The following MAGI2 variants were observed in gnomAD, a reference collection of about 807,000 sequenced individuals.
MAGI2 encodes membrane-associated guanylate kinase, WW and PDZ domain-containing protein 2.
A neutral mutation model predicts 133.3 loss-of-function variants in MAGI2; 35 were observed. The ratio of observed to expected loss-of-function variants is 0.26; its 90% CI spans 0.20 to 0.35. MAGI2 has a LOEUF of 0.35. Ranked by LOEUF, MAGI2 falls within the 10% of genes least tolerant of loss-of-function variation. MAGI2 has a pLI of 1.00. For synonymous variants in MAGI2, 729 were observed against 710.6 expected (o/e 1.03, Z -0.41); for missense variants, 1,636 against 1,863.4 (o/e 0.88, Z 2.25).
intron 6 of MAGI2, among the ~76,000 whole-genome samples, chr7:78,473,013 A>T (rs76436247): frequency 0.052 from 7,900 of 152,176 alleles, 265 homozygotes; most frequent in East Asian, 0.089. Flanking sequence ...GGAAATTATT[A>T]TACCTCTCAG....
chr7:78,363,520 A>AATAATAATAATGATAATAATG (rs1315627060), intron 7 of MAGI2, among the ~76,000 whole-genome samples: 1 of 150,146 alleles, frequency 6.7e-6, no homozygotes, highest in African/African-American at 2.4e-5. Flanking sequence ...TGATAATAAT[A>AATAATAATAATGATAATAATG]ATAATAATAA....
At chr7:79,294,051 C>T (rs1041418883) in intron 1 of MAGI2, among the ~76,000 whole-genome samples, 3 of 151,662 alleles carry the variant, frequency 2.0e-5, no homozygotes, top group Non-Finnish European at 2.9e-5. Flanking sequence ...GGTGTGCTGG[C>T]GTGAGTCTGT....
At chr7:79,070,001 T>C (rs1486644112) in intron 1 of MAGI2, among the ~76,000 whole-genome samples, 3 of 152,208 alleles carry the variant, frequency 2.0e-5, no homozygotes, top group African/African-American at 7.2e-5. Context: ...CTTCTATTTG[T>C]GGGTAACCCA....
chr7:78,890,683 A>G (rs1476365094), intron 2 of MAGI2, among the ~76,000 whole-genome samples: 2 of 152,198 alleles, frequency 1.3e-5, no homozygotes, highest in African/African-American at 2.4e-5. Context: ...AACCAATGAG[A>G]ACAAAGACAC....
At chr7:79,258,802 G>A (rs571009172) in intron 1 of MAGI2, among the ~76,000 whole-genome samples, 1 of 152,162 alleles carries the variant, frequency 6.6e-6, no homozygotes, top group Non-Finnish European at 1.5e-5. Context: ...GCAAAAAAAA[G>A]GAATTACTCT....
At chr7:79,085,120 C>G (rs1395737191) in intron 1 of MAGI2, among the ~76,000 whole-genome samples, 1 of 151,634 alleles carries the variant, frequency 6.6e-6, no homozygotes, top group East Asian at 1.9e-4. Flanking sequence ...CATTGCTATG[C>G]TTGATGATTT....
At chr7:78,362,544 C>T (rs1792935431) in intron 7 of MAGI2, among the ~76,000 whole-genome samples, 1 of 152,114 alleles carries the variant, frequency 6.6e-6, no homozygotes, top group African/African-American at 2.4e-5. Context: ...ACTCATGTCT[C>T]GTGAGGCCTG....
At chr7:78,854,372 T>C (rs528468976) in intron 2 of MAGI2, among the ~76,000 whole-genome samples, 1 of 152,258 alleles carries the variant, frequency 6.6e-6, no homozygotes, top group East Asian at 1.9e-4. Context: ...CCTTGTTTTA[T>C]AATTTGTTAT....
At chr7:78,282,357 CTG>C (rs889145194) in intron 9 of MAGI2, among the ~76,000 whole-genome samples, 31 of 152,080 alleles carry the variant, frequency 2.0e-4, no homozygotes, top group Non-Finnish European at 1.5e-4. Flanking sequence ...AGTCAGCAAA[CTG>C]TGACAAGTAG....
At chr7:79,250,783 G>T (rs567486787) in intron 1 of MAGI2, among the ~76,000 whole-genome samples, 1 of 152,104 alleles carries the variant, frequency 6.6e-6, no homozygotes, top group Non-Finnish European at 1.5e-5. Context: ...ACCTAGAATA[G>T]TCAAAGCTAT....
intron 1 of MAGI2, among the ~76,000 whole-genome samples, chr7:79,276,008 ATGT>A (rs1160357959): frequency 1.2e-4 from 18 of 152,168 alleles, no homozygotes; most frequent in Non-Finnish European, 2.4e-4. Context: ...AAGGAGATTA[ATGT>A]TGTTTTCATG....
chr7:79,395,480 T>C (rs1231889551), intron 1 of MAGI2, among the ~76,000 whole-genome samples: 1 of 152,068 alleles, frequency 6.6e-6, no homozygotes, highest in Non-Finnish European at 1.5e-5. Context: ...AGAAGCAAAT[T>C]CTTATAACTG....
intron 2 of MAGI2, among the ~76,000 whole-genome samples, chr7:79,004,933 T>A (rs1331858897): frequency 6.6e-6 from 1 of 151,814 alleles, no homozygotes; most frequent in African/African-American, 2.4e-5. Flanking sequence ...AAATACAAAA[T>A]TAGCCGGGCA....
chr7:78,382,338 T>A (rs1031736881), intron 6 of MAGI2, among the ~76,000 whole-genome samples: 1 of 136,066 alleles, frequency 7.3e-6, no homozygotes, highest in Non-Finnish European at 1.6e-5. Context: ...TTAATACTCA[T>A]GCTCTCTTAT....
At chr7:78,927,528 G>A (rs542418627) in intron 2 of MAGI2, among the ~76,000 whole-genome samples, 3 of 151,880 alleles carry the variant, frequency 2.0e-5, no homozygotes, top group Non-Finnish European at 2.9e-5. Flanking sequence ...CAAGGAAAGG[G>A]TAGAGATAAG....
intron 1 of MAGI2, among the ~76,000 whole-genome samples, chr7:79,365,785 A>G (rs2527771): frequency 0.37 from 51,696 of 141,022 alleles, 10,283 homozygotes; most frequent in African/African-American, 0.56. Context: ...GCTTGAACCC[A>G]GGTGGTGGAG....
At chr7:78,753,054 C>G (rs779843860) in intron 2 of MAGI2, among the ~76,000 whole-genome samples, 6 of 152,054 alleles carry the variant, frequency 3.9e-5, no homozygotes, top group Admixed American at 1.3e-4. Context: ...TCAGAAGACA[C>G]AACAGAAAGC....
rs1828604141 is a variant in MAGI2, at chr7:78,195,140, C to A, written c.2080-77G>T. Reference sequence around the variant, plus strand: ...TTTCTCTTGTCACCTTTAGGTTAACCTTTTTTGCCTTGTGGACTTTTCTTC... The same window carrying A: ...TTTCTCTTGTCACCTTTAGGTTAACATTTTTTGCCTTGTGGACTTTTCTTC... On this transcript the variant is annotated intron_variant, in intron 11 of 21. Coordinates refer to ENST00000354212, the MANE Select transcript of MAGI2 (RefSeq NM_012301.4). 3.2e-6 allele frequency: 4 copies of A among 1,247,720 alleles called. No individual in the cohort carries two copies. In the South Asian group the frequency reaches 5.4e-5, roughly 17 times the overall value. The allele number at this position is 1,247,720 out of a possible 1,614,324, so 77.3% of individuals were successfully genotyped here.
At chr7:79,359,571 A>G (rs1372036329) in intron 1 of MAGI2, among the ~76,000 whole-genome samples, 1 of 151,966 alleles carries the variant, frequency 6.6e-6, no homozygotes, top group African/African-American at 2.4e-5. Context: ...TTAAAGACAA[A>G]GAAAAACCCT....
Sources: gnomAD v4.1 joint callset for allele counts (sites outside exome capture counted in the v4.1 genomes callset) on GRCh38, gnomAD v4.1.1 for gene constraint, MANE v1.5 for transcripts, NCBI Gene and HGNC (gene_info 2026-07-23, HGNC 2026-07-21) for gene names.